SH3GL2: variants seen among roughly 807,000 people sequenced by gnomAD.
The protein encoded by SH3GL2 is SH3 domain containing GRB2 like 2, endophilin A1, also known as endophilin-A1.
A neutral mutation model predicts 46.0 loss-of-function variants in SH3GL2; 24 were observed. The observed-to-expected ratio is 0.52, with a 90% confidence interval of 0.38 to 0.73. The LOEUF is 0.73. Among genes scored for constraint, SH3GL2 ranks in the 30% least tolerant of loss-of-function variants. The probability of loss-of-function intolerance (pLI) is 0.00; values close to 1 mark genes in which losing one functional copy is unlikely to be tolerated. For synonymous variants in SH3GL2, 196 were observed against 147.1 expected (o/e 1.33, Z -2.40); for missense variants, 413 against 424.2 (o/e 0.97, Z 0.23).
intron 1 of SH3GL2, among the ~76,000 whole-genome samples, chr9:17,593,105 A>G (rs754144605): frequency 1.2e-4 from 19 of 152,154 alleles, no homozygotes; most frequent in Admixed American, 4.6e-4. Flanking sequence ...ACCTCGACCT[A>G]TGTGTCTCTT....
chr9:17,737,558 G>A lies in SH3GL2; in HGVS notation c.46-9508G>A, dbSNP rs377237663. Among the ~76,000 whole-genome samples, 224 of 152,172 alleles carry A rather than the reference G, an allele frequency of 1.5e-3. 1 individual carries two copies. The highest frequency in any genetic ancestry group is 5.0e-3 in the African/African-American group (207 of 41,536). Reference sequence around the variant, plus strand: ...GGCTCTGTAATACTGACTCTGAAATGATTGTTTCAGCCGCACCCTACTGCT... The same window carrying A: ...GGCTCTGTAATACTGACTCTGAAATAATTGTTTCAGCCGCACCCTACTGCT... On this transcript the variant is annotated intron_variant, in intron 1 of 8. Coordinates refer to ENST00000380607, the MANE Select transcript of SH3GL2 (RefSeq NM_003026.5).
At chr9:17,653,733 C>G (rs751011508) in intron 1 of SH3GL2, 2 of 181,498 alleles carry the variant, frequency 1.1e-5, no homozygotes, top group Non-Finnish European at 2.1e-5. Context: ...ATTTATTGCT[C>G]AGAGGAACTT....
chr9:17,680,183 C>G (rs146290889), intron 1 of SH3GL2, among the ~76,000 whole-genome samples: 10,225 of 151,984 alleles, frequency 0.067, 555 homozygotes, highest in Admixed American at 0.18. Flanking sequence ...TCTATTGATT[C>G]GAATAGTTTC....
intron 1 of SH3GL2, among the ~76,000 whole-genome samples, chr9:17,676,964 G>A (rs1820628850): frequency 6.6e-6 from 1 of 151,784 alleles, no homozygotes; most frequent in East Asian, 1.9e-4. Context: ...CCTTCATCTT[G>A]GCTTCCCTCG....
At chr9:17,679,744 A>C (rs1204825704) in intron 1 of SH3GL2, among the ~76,000 whole-genome samples, 1 of 152,232 alleles carries the variant, frequency 6.6e-6, no homozygotes, top group Non-Finnish European at 1.5e-5. Context: ...TTGCCCATTC[A>C]GTATGATATT....
chr9:17,730,536 C>A (rs140678673), intron 1 of SH3GL2, among the ~76,000 whole-genome samples: 1 of 152,098 alleles, frequency 6.6e-6, no homozygotes, highest in East Asian at 1.9e-4. Flanking sequence ...TATCTTGTGC[C>A]GGTTTTCAAA....
chr9:17,671,882 G>C (rs1820483920), intron 1 of SH3GL2, among the ~76,000 whole-genome samples: 2 of 152,194 alleles, frequency 1.3e-5, no homozygotes, highest in African/African-American at 4.8e-5. Flanking sequence ...GGTTGAATCA[G>C]TATGTCTTTA....
intron 1 of SH3GL2, among the ~76,000 whole-genome samples, chr9:17,723,597 T>C (rs879523115): frequency 2.0e-5 from 3 of 152,182 alleles, no homozygotes; most frequent in Non-Finnish European, 2.9e-5. Flanking sequence ...TAACCTTTAA[T>C]GGAAAGGTCG....
intron 1 of SH3GL2, among the ~76,000 whole-genome samples, chr9:17,584,995 C>A (rs76559639): frequency 0.018 from 2,747 of 152,208 alleles, 88 homozygotes; most frequent in African/African-American, 0.062. Context: ...TAGAAGTACC[C>A]TAGAAAATGG....
At chr9:17,648,661 A>G (rs1462497005) in intron 1 of SH3GL2, among the ~76,000 whole-genome samples, 1 of 152,234 alleles carries the variant, frequency 6.6e-6, no homozygotes, top group Admixed American at 6.5e-5. Flanking sequence ...GAATCAAAGC[A>G]TCTCAGAAAA....
chr9:17,692,900 A>G (rs112700381), intron 1 of SH3GL2, among the ~76,000 whole-genome samples: 1,829 of 152,166 alleles, frequency 0.012, 43 homozygotes, highest in African/African-American at 0.042. Flanking sequence ...GGAAGAAGCA[A>G]AAGTGGAAAC....
chr9:17,709,324 C>G (rs771759835), intron 1 of SH3GL2, among the ~76,000 whole-genome samples: 2 of 151,994 alleles, frequency 1.3e-5, no homozygotes, highest in Non-Finnish European at 2.9e-5. Context: ...GTATTAAAGC[C>G]TTTAATCAAG....
intron 1 of SH3GL2, among the ~76,000 whole-genome samples, chr9:17,742,323 C>A (rs1822549727): frequency 6.6e-6 from 1 of 152,106 alleles, no homozygotes; most frequent in South Asian, 2.1e-4. Flanking sequence ...TATTGGAAAG[C>A]AGGACAACAT....
At chr9:17,641,040 C>G (rs538409814) in intron 1 of SH3GL2, among the ~76,000 whole-genome samples, 1 of 152,062 alleles carries the variant, frequency 6.6e-6, no homozygotes, top group Non-Finnish European at 1.5e-5. Context: ...TGATTATAAG[C>G]AAGTTGAAAA....
intron 1 of SH3GL2, among the ~76,000 whole-genome samples, chr9:17,730,865 G>C (rs936986376): frequency 6.6e-6 from 1 of 152,080 alleles, no homozygotes; most frequent in Admixed American, 6.6e-5. Context: ...AAATCTCACT[G>C]AAGATTTCAA....
chr9:17,638,603 C>G (rs1191544766), intron 1 of SH3GL2, among the ~76,000 whole-genome samples: 5 of 152,202 alleles, frequency 3.3e-5, no homozygotes, highest in Non-Finnish European at 2.9e-5. Flanking sequence ...AAGAATGAGA[C>G]ACTGCCACCA....
At chr9:17,776,276 A>G (rs1424574317) in intron 3 of SH3GL2, among the ~76,000 whole-genome samples, 1 of 152,070 alleles carries the variant, frequency 6.6e-6, no homozygotes, top group African/African-American at 2.4e-5. Flanking sequence ...AGTAAATGAA[A>G]CTTTAAAAAA....
intron 1 of SH3GL2, among the ~76,000 whole-genome samples, chr9:17,676,754 T>C (rs1820621136): frequency 6.6e-6 from 1 of 152,252 alleles, no homozygotes; most frequent in Non-Finnish European, 1.5e-5. Context: ...ACAAGATTGC[T>C]GGCACCATCT....
intron 3 of SH3GL2, among the ~76,000 whole-genome samples, chr9:17,777,644 G>A (rs539167120): frequency 1.7e-5 from 2 of 118,880 alleles, no homozygotes; most frequent in East Asian, 2.3e-4. Flanking sequence ...GTAGTTAGAC[G>A]CCTTCTCACT....
Sources: allele counts gnomAD v4.1 joint callset (sites outside exome capture counted in the v4.1 genomes callset), GRCh38; gene constraint gnomAD v4.1.1; transcripts MANE v1.5; gene names NCBI Gene and HGNC (gene_info 2026-07-23, HGNC 2026-07-21).